TNS3: variants seen among roughly 807,000 people sequenced by gnomAD.
The protein encoded by TNS3 is tensin 3.
Under a neutral mutation model 140.9 loss-of-function variants are expected in TNS3, and 45 were observed. The ratio of observed to expected loss-of-function variants is 0.32; its 90% CI spans 0.25 to 0.41. TNS3 has a LOEUF of 0.41. Among genes scored for constraint, TNS3 ranks in the 10% least tolerant of loss-of-function variants. The pLI is 1.00. For missense variants in TNS3, 1,716 were observed against 1,906.7 expected, an observed-to-expected ratio of 0.90 and a Z score of 1.86; for synonymous variants, 815 against 788.4, an observed-to-expected ratio of 1.03 and a Z score of -0.56.
intron 23 of TNS3, among the ~76,000 whole-genome samples, chr7:47,301,872 T>C (rs1420738406): frequency 2.0e-5 from 3 of 152,176 alleles, no homozygotes; most frequent in African/African-American, 7.2e-5. Flanking sequence ...CAGTCAGCAG[T>C]TGTGGGCTGG....
rs150908334 is a variant in TNS3 at position 47,341,252 on chromosome 7, C to A, written c.2650+3503G>T. On this transcript the variant is annotated intron_variant, in intron 20 of 30. Transcript: ENST00000311160. ...TTTGGTATCAGGGTAATACTAGCTT[C>A]ACAAAATGAATTAGGACATGATCCC... Among the ~76,000 whole-genome samples, 1,102 of 152,266 alleles carry A rather than the reference C, an allele frequency of 7.2e-3. 12 individuals are homozygous for A. Among genetic ancestry groups the A allele is most frequent in the African/African-American group, 0.025 (1,030 of 41,526 alleles).
At chr7:47,517,486 T>A (rs1472412668) in intron 2 of TNS3, among the ~76,000 whole-genome samples, 2 of 152,216 alleles carry the variant, frequency 1.3e-5, no homozygotes, top group Non-Finnish European at 2.9e-5. Context: ...CAGATGTTTG[T>A]AAAGATACAA....
chr7:47,494,568 G>C (rs1797930086), intron 3 of TNS3, among the ~76,000 whole-genome samples: 1 of 152,158 alleles, frequency 6.6e-6, no homozygotes, highest in African/African-American at 2.4e-5. Flanking sequence ...GATAAGGGAG[G>C]GTTAACAGCT....
At chr7:47,279,966 A>G in intron 30 of TNS3, 198 bp downstream of exon 30, 1 of 647,342 alleles carries the variant, frequency 1.5e-6, no homozygotes, top group South Asian at 2.0e-5. Flanking sequence ...ACATCCAGCC[A>G]ACAGCCGGCA....
intron 20 of TNS3, among the ~76,000 whole-genome samples, chr7:47,339,968 T>TAC (rs1788861231): frequency 6.8e-6 from 1 of 146,268 alleles, no homozygotes; most frequent in Non-Finnish European, 1.5e-5. Context: ...TATATATATA[T>TAC]ATATATATAT....
chr7:47,336,584 G>A (rs1788643716), intron 20 of TNS3, among the ~76,000 whole-genome samples: 1 of 152,208 alleles, frequency 6.6e-6, no homozygotes, highest in Non-Finnish European at 1.5e-5. Flanking sequence ...GGATGCCTGT[G>A]GCAGAAGCTG....
At position 47,405,345 on chromosome 7, in the gene TNS3, A is replaced by G. The variant is rs528754880; in HGVS notation, c.724-4431T>C. On this transcript the variant is annotated intron_variant, in intron 13 of 30. Coordinates refer to ENST00000311160, the MANE Select transcript of TNS3 (RefSeq NM_022748.12). The stretch of plus-strand genomic sequence containing the variant: ...CAGAAAAGAGTAACATTCTCACTCA[A>G]TGCTCCACTGGTGGCCCAGGCAACT... 5.5e-5 allele frequency: 33 copies of G among 597,214 alleles called. No homozygotes were observed. In the East Asian group the frequency reaches 6.9e-4, roughly 13 times the overall value. 37.0% of individuals were successfully genotyped at this position (597,214 alleles called of 1,614,324 possible).
chr7:47,409,470 C>T (rs976348453), intron 13 of TNS3, among the ~76,000 whole-genome samples: 1 of 152,142 alleles, frequency 6.6e-6, no homozygotes, highest in African/African-American at 2.4e-5. Context: ...CTGAGTTGTT[C>T]AGCTGCCTCC....
intron 3 of TNS3, among the ~76,000 whole-genome samples, chr7:47,492,402 C>G (rs1473664345): frequency 3.9e-5 from 6 of 152,232 alleles, no homozygotes; most frequent in African/African-American, 7.2e-5. Flanking sequence ...CTCCCCACAC[C>G]TGATCTCTTC....
chr7:47,455,765 C>T lies in TNS3; in HGVS notation c.-75-13710G>A, dbSNP rs533721254. ...AGCTCGTCTCCAGCTCTAGAAACCA[C>T]GGCCACTTTGCAGATCCATCAGGGC... On this transcript the variant is annotated intron_variant, in intron 4 of 30. Transcript: ENST00000311160. 2.6e-5 allele frequency among the ~76,000 whole-genome samples: 4 copies of T among 152,324 alleles called. No individual in the cohort carries two copies. In the South Asian group the frequency reaches 8.3e-4, roughly 32 times the overall value.
At chr7:47,574,639 A>ACCCC (rs1264340324) in intron 1 of TNS3, among the ~76,000 whole-genome samples, 2 of 151,906 alleles carry the variant, frequency 1.3e-5, no homozygotes, top group Non-Finnish European at 1.5e-5. Flanking sequence ...ACACACACAC[A>ACCCC]CACACACACC....
chr7:47,316,350 A>AT (rs1207002126), intron 20 of TNS3, among the ~76,000 whole-genome samples: 1 of 152,182 alleles, frequency 6.6e-6, no homozygotes, highest in Non-Finnish European at 1.5e-5. Flanking sequence ...CTCTTCTGCC[A>AT]TAAACCATGG....
intron 16 of TNS3, among the ~76,000 whole-genome samples, chr7:47,389,084 G>GCGGA (rs1792313378): frequency 4.1e-5 from 3 of 73,310 alleles, no homozygotes; most frequent in African/African-American, 2.2e-4. Context: ...AGAAGAAGAA[G>GCGGA]AGGAAGAGGA....
intron 1 of TNS3, among the ~76,000 whole-genome samples, chr7:47,542,263 C>T (rs947563490): frequency 6.6e-6 from 1 of 152,176 alleles, no homozygotes; most frequent in African/African-American, 2.4e-5. Flanking sequence ...AAGCCATGGT[C>T]AGCGCCACCT....
In TNS3 at chr7:47,280,176, C is replaced by T. The variant is rs149017357; in HGVS notation, c.4181G>A (p.Gly1394Asp). 353 of 1,614,100 alleles carry T rather than the reference C, an allele frequency of 2.2e-4. No homozygotes were observed. The highest frequency in any genetic ancestry group is 1.9e-3 in the African/African-American group (140 of 75,010). ...CTCAGCAACTTACTTTGAGGAAGGG[C>T]CATCTTTGATCCACCTTGCAAATTA... ...DPQDRKWIKD[G>D]PSSKVFGFVA... Residue 1394 changes from glycine (G) to aspartate (D), a missense_variant, in exon 30 of 31, where the codon GGC (glycine) becomes GAC (aspartate). Gly to Asp is a moderately conservative substitution (Grantham distance 94). Around this residue, in one of 3 missense-constraint regions of TNS3, gnomAD observed 216 missense variants for 295.7 expected, o/e 0.73. Coordinates refer to ENST00000311160, the MANE Select transcript of TNS3 (RefSeq NM_022748.12).
At chr7:47,311,954 C>T (rs761864104) in intron 20 of TNS3, among the ~76,000 whole-genome samples, 1 of 152,190 alleles carries the variant, frequency 6.6e-6, no homozygotes, top group Non-Finnish European at 1.5e-5. Context: ...GGACGAGACA[C>T]CAATTTCCGC....
At chr7:47,478,346 G>A (rs1797272805) in intron 4 of TNS3, among the ~76,000 whole-genome samples, 1 of 151,936 alleles carries the variant, frequency 6.6e-6, no homozygotes, top group Non-Finnish European at 1.5e-5. Context: ...GCTGGTCAAG[G>A]CAAGTTGAAA....
chr7:47,349,575 A>G (rs1042592311), intron 17 of TNS3, among the ~76,000 whole-genome samples: 18 of 152,362 alleles, frequency 1.2e-4, no homozygotes, highest in Middle Eastern at 3.4e-3. Context: ...GCCTGTACAG[A>G]AAGTGTGGCT....
At chr7:47,579,978 A>C (rs1784488967) in intron 1 of TNS3, 1 of 286,614 alleles carries the variant, frequency 3.5e-6, no homozygotes, top group Non-Finnish European at 5.2e-6. Flanking sequence ...CACTTTCAAA[A>C]CATTAGGTGC....
Sources: allele counts gnomAD v4.1 joint callset (sites outside exome capture counted in the v4.1 genomes callset), GRCh38; gene constraint gnomAD v4.1.1; regional missense constraint gnomAD v4.1.1; transcripts MANE v1.5; gene names NCBI Gene and HGNC (gene_info 2026-07-23, HGNC 2026-07-21).